Variants in FHDC1 observed in about 807,000 individuals in gnomAD.
FHDC1 encodes the protein FH2 domain-containing protein 1.
In FHDC1, 25 loss-of-function variants were observed where a neutral mutation model predicts 52.6. That is an observed-to-expected ratio of 0.48 (90% CI 0.35 to 0.66). The LOEUF is 0.66. Ranked by LOEUF, FHDC1 falls within the 30% of genes least tolerant of loss-of-function variation. FHDC1 has a pLI of 0.01. For missense variants in FHDC1, 1,459 were observed against 1,452.8 expected (o/e 1.00, Z -0.07); for synonymous variants, 616 against 581.5 (o/e 1.06, Z -0.85).
chr4:152,950,327 CGAATGCGATAAAGTGGA>C (rs1339262293), intron 2 of FHDC1, among the ~76,000 whole-genome samples: 1 of 152,130 alleles, frequency 6.6e-6, no homozygotes, highest in Non-Finnish European at 1.5e-5. Context: ...TTGGAAGGAT[CGAATGCGATAAAGTGGA>C]GAAAGAGACT....
upstream of FHDC1, among the ~76,000 whole-genome samples, chr4:152,931,706 T>G (rs1739255305): frequency 6.6e-6 from 1 of 152,170 alleles, no homozygotes; most frequent in Admixed American, 6.5e-5. Context: ...ATGTCATTGA[T>G]GCTACCTTAG....
At chr4:152,967,867 G>A in intron 9 of FHDC1, 113 bp from the exon 10 acceptor site, 2 of 717,182 alleles carry the variant, frequency 2.8e-6, no homozygotes, top group South Asian at 1.8e-5. Context: ...TATCATCACA[G>A]TAGCTCTCCC....
intron 4 of FHDC1, among the ~76,000 whole-genome samples, chr4:152,959,234 T>C (rs1561209024): frequency 6.6e-6 from 1 of 152,258 alleles, no homozygotes; most frequent in East Asian, 1.9e-4. Flanking sequence ...AAGAATTTTG[T>C]TGGATGACTC....
intron 6 of FHDC1, among the ~76,000 whole-genome samples, chr4:152,962,427 G>T (rs565322306): frequency 3.7e-4 from 57 of 152,246 alleles, no homozygotes; most frequent in African/African-American, 1.4e-3. Context: ...GTCTCTTTGA[G>T]ACTGCATACT....
At chr4:152,967,089 C>A (rs1172228281) in intron 9 of FHDC1, among the ~76,000 whole-genome samples, 1 of 152,038 alleles carries the variant, frequency 6.6e-6, no homozygotes, top group Non-Finnish European at 1.5e-5. Context: ...CACTGCTCTT[C>A]AGCTTGGGCA....
In FHDC1 at chr4:152,976,313, G is replaced by C. The variant is rs752115643; in HGVS notation, c.3022G>C (p.Glu1008Gln). Reference sequence around the variant, plus strand: ...AAATAAGACCTGCCGCGCCCACTCCGAGGGCCCTGAGAGTCCCAAAGAAGA... The same window carrying C: ...AAATAAGACCTGCCGCGCCCACTCCCAGGGCCCTGAGAGTCCCAAAGAAGA... ...EENKTCRAHS[E>Q]GPESPKEEPK... Residue 1008 changes from glutamate (E) to glutamine (Q), a missense_variant, in exon 12 of 12, where the codon GAG becomes CAG. Coordinates refer to ENST00000511601, the MANE Select transcript of FHDC1 (RefSeq NM_001371116.1). 1.2e-6 allele frequency: 2 copies of C among 1,613,504 alleles called. No homozygotes were observed. Among genetic ancestry groups the C allele is most frequent in the Non-Finnish European group, 8.5e-7 (1 of 1,180,016 alleles).
rs1213168622 is a variant in FHDC1, at chr4:152,954,295, T to A, written c.639T>A (p.Leu213=). The A allele has an allele frequency of 2.5e-6, 4 of 1,614,082 alleles. No individual in the cohort carries two copies. The highest frequency in any genetic ancestry group is 1.7e-6 in the Non-Finnish European group (2 of 1,179,938). ...HYGSETLREF[L]KFLPESEEVK... is the part of the protein sequence containing the mutation. ...GATCAGAGACCTTGCGAGAATTTCT[T>A]AAGTTTTTGCCAGAGTCAGAAGAGG... is the stretch of plus-strand genomic sequence containing the variant. Residue 213 remains leucine (L), a synonymous_variant, in exon 4 of 12, where the codon CTT becomes CTA. Transcript: ENST00000511601.
At chr4:152,938,837 G>C (rs1188390128) in intron 1 of FHDC1, among the ~76,000 whole-genome samples, 1 of 152,040 alleles carries the variant, frequency 6.6e-6, no homozygotes, top group Admixed American at 6.5e-5. Context: ...AGAACCACTG[G>C]TGCAGAACCA....
At chr4:152,941,969 G>C (rs1370866984) in intron 1 of FHDC1, among the ~76,000 whole-genome samples, 1 of 152,124 alleles carries the variant, frequency 6.6e-6, no homozygotes, top group African/African-American at 2.4e-5. Context: ...AAGAAATTTA[G>C]TAGTTTTGAC....
At chr4:152,946,622 T>C (rs557491741) in intron 2 of FHDC1, among the ~76,000 whole-genome samples, 1 of 152,316 alleles carries the variant, frequency 6.6e-6, no homozygotes, top group African/African-American at 2.4e-5. Context: ...TTGTGTGGAC[T>C]GCAGAATTCC....
chr4:152,965,414 G>T (rs142538137), intron 9 of FHDC1, among the ~76,000 whole-genome samples: 1 of 152,274 alleles, frequency 6.6e-6, no homozygotes, highest in East Asian at 1.9e-4. Flanking sequence ...ACCAAGAGCT[G>T]TGAAATGATT....
At chr4:152,927,315 G>A in the FHDC1 span, 1 of 653,724 alleles carries the variant, frequency 1.5e-6, no homozygotes, top group Non-Finnish European at 2.7e-6. Context: ...ATTTGTCAAA[G>A]GTCAGGGGAA....
chr4:152,972,643 A>C, intron 11 of FHDC1, 102 bp downstream of exon 11: 1 of 1,345,076 alleles, frequency 7.4e-7, no homozygotes, highest in Non-Finnish European at 1.0e-6. Context: ...TTGCATCTCC[A>C]CGGTTTCGGG....
the FHDC1 span, among the ~76,000 whole-genome samples, chr4:152,915,797 A>G: frequency 2.6e-5 from 4 of 152,224 alleles, no homozygotes; most frequent in East Asian, 7.7e-4. Context: ...CCATAATACC[A>G]AAGTATTACC....
chr4:152,970,730 T>C (rs1740614907), intron 10 of FHDC1, among the ~76,000 whole-genome samples: 1 of 152,228 alleles, frequency 6.6e-6, no homozygotes, highest in East Asian at 1.9e-4. Flanking sequence ...GGTGGTTACT[T>C]TCTCTGGTAT....
At chr4:152,937,062 G>C (rs1473917223) in intron 1 of FHDC1, among the ~76,000 whole-genome samples, 1 of 152,264 alleles carries the variant, frequency 6.6e-6, no homozygotes, top group African/African-American at 2.4e-5. Flanking sequence ...GGAAGCGGGT[G>C]GGCTGGGGAT....
intron 2 of FHDC1, among the ~76,000 whole-genome samples, chr4:152,949,121 TAATAAGAAG>T (rs1265589427): frequency 3.7e-3 from 243 of 65,460 alleles, no homozygotes; most frequent in East Asian, 0.01. Context: ...ATAATAATAA[TAATAAGAAG>T]AAGAAGAAGA....
chr4:152,938,756 G>A (rs1739490490), intron 1 of FHDC1, among the ~76,000 whole-genome samples: 1 of 152,192 alleles, frequency 6.6e-6, no homozygotes, highest in Admixed American at 6.5e-5. Flanking sequence ...TTTCCTTGAT[G>A]TTCCTTTTGA....
rs34181980 is a variant in FHDC1, at chr4:152,962,940, GGTGTGTGTGT to G, written c.922-50_922-41del. 2,500 of 936,328 alleles carry G rather than the reference GGTGTGTGTGT, an allele frequency of 2.7e-3. 8 individuals are homozygous for G. The highest frequency in any genetic ancestry group is 0.019 in the African/African-American group (1,097 of 57,208). The allele number at this position is 936,328 out of a possible 1,614,324, so 58.0% of individuals were successfully genotyped here. On this transcript the variant is annotated intron_variant, in intron 7 of 11. Coordinates refer to ENST00000511601, the MANE Select transcript of FHDC1 (RefSeq NM_001371116.1). ...ATGTTTTCAACCTTGTCTATCTAAAGGTGTGTGTGTGTGTGTGTGTGTGTGTGTGTGTGTG... is the reference window on the plus strand; with the variant it reads ...ATGTTTTCAACCTTGTCTATCTAAAGGTGTGTGTGTGTGTGTGTGTGTGTG...
Sources: gnomAD v4.1 joint callset for allele counts (sites outside exome capture counted in the v4.1 genomes callset) on GRCh38, gnomAD v4.1.1 for gene constraint, MANE v1.5 for transcripts, NCBI Gene and HGNC (gene_info 2026-07-23, HGNC 2026-07-21) for gene names.